Variants in FAM171A1 observed in about 807,000 individuals in gnomAD.
FAM171A1 encodes family with sequence similarity 171 member A1, also known as protein FAM171A1.
In FAM171A1, 23 loss-of-function variants were observed where a neutral mutation model predicts 74.9. The observed-to-expected ratio is 0.31, with a 90% CI of 0.22 to 0.44. The LOEUF (loss-of-function observed/expected upper bound fraction) is 0.44, where lower values mean the gene tolerates loss of function less well. Among genes scored for constraint, FAM171A1 ranks in the 20% least tolerant of loss-of-function variants. FAM171A1 has a pLI of 1.00. For synonymous variants in FAM171A1, 527 were observed against 505.7 expected (o/e 1.04, Z -0.57); for missense variants, 1,162 against 1,159.2 (o/e 1.00, Z -0.03).
rs889691576 is a variant in FAM171A1 at position 15,254,737 on chromosome 10, T to C, written c.561A>G (p.Leu187=). Residue 187 remains leucine (L), a synonymous_variant, in exon 4 of 8, where the codon TTA becomes TTG. Transcript: ENST00000378116. ...EVDSFPYLRG[L]DGNGTGNSTR... Reference sequence around the variant, plus strand: ...TCCAATTACCTGTTCCATTTCCGTCTAATCCTCGCAAATAAGGAAAACTGT... The same window carrying C: ...TCCAATTACCTGTTCCATTTCCGTCCAATCCTCGCAAATAAGGAAAACTGT... 10 of 1,614,150 alleles carry C rather than the reference T, an allele frequency of 6.2e-6. No individual in the cohort carries two copies. Among genetic ancestry groups the C allele is most frequent in the Non-Finnish European group, 8.5e-6 (10 of 1,179,978 alleles).
intron 5 of FAM171A1, among the ~76,000 whole-genome samples, chr10:15,229,977 T>C (rs113466935): frequency 0.081 from 9,441 of 116,214 alleles, 839 homozygotes; most frequent in Middle Eastern, 0.13. Context: ...GATCCCTGAA[T>C]ATGCTAGATT....
intron 3 of FAM171A1, among the ~76,000 whole-genome samples, chr10:15,260,832 G>A (rs893781160): frequency 2.0e-5 from 3 of 152,110 alleles, no homozygotes; most frequent in South Asian, 2.1e-4. Flanking sequence ...CTAGATGTCT[G>A]TAGCAGCCCC....
chr10:15,306,063 C>T (rs1393008117), intron 1 of FAM171A1, among the ~76,000 whole-genome samples: 1 of 152,204 alleles, frequency 6.6e-6, no homozygotes, highest in Non-Finnish European at 1.5e-5. Flanking sequence ...AGAGCATGAT[C>T]CATGGATAAC....
At chr10:15,369,740 A>G (rs1390776672) in intron 1 of FAM171A1, among the ~76,000 whole-genome samples, 1 of 152,170 alleles carries the variant, frequency 6.6e-6, no homozygotes, top group African/African-American at 2.4e-5. Context: ...CTCTGCTCCC[A>G]GGCACCCTGA....
At chr10:15,284,532 C>T (rs995277672) in intron 1 of FAM171A1, among the ~76,000 whole-genome samples, 10 of 152,134 alleles carry the variant, frequency 6.6e-5, no homozygotes, top group Admixed American at 6.5e-4. Context: ...AACTGATCCT[C>T]CCACCTCAGC....
intron 1 of FAM171A1, among the ~76,000 whole-genome samples, chr10:15,286,573 C>T (rs1288917815): frequency 3.9e-5 from 6 of 152,166 alleles, no homozygotes; most frequent in Non-Finnish European, 5.9e-5. Context: ...TGATCCACCG[C>T]GCCTGGCCTG....
chr10:15,239,732 C>T (rs1014600146), intron 5 of FAM171A1, among the ~76,000 whole-genome samples: 8 of 152,200 alleles, frequency 5.3e-5, no homozygotes, highest in Non-Finnish European at 1.2e-4. Flanking sequence ...AGTGCTCCTT[C>T]GCTCTACGAA....
intron 5 of FAM171A1, 73 bp downstream of exon 5, chr10:15,248,566 G>T: frequency 6.8e-7 from 1 of 1,468,984 alleles, no homozygotes; most frequent in Non-Finnish European, 9.2e-7. Flanking sequence ...ACTTCCATGA[G>T]CTTCTTAGAA....
At chr10:15,286,822 C>T (rs1444043905) in intron 1 of FAM171A1, among the ~76,000 whole-genome samples, 1 of 152,152 alleles carries the variant, frequency 6.6e-6, no homozygotes, top group East Asian at 1.9e-4. Flanking sequence ...GCTAAAGAAT[C>T]CTAGACCTAG....
chr10:15,249,046 G>T (rs1295717171), intron 4 of FAM171A1, among the ~76,000 whole-genome samples: 1 of 151,744 alleles, frequency 6.6e-6, no homozygotes, highest in Non-Finnish European at 1.5e-5. Context: ...TGGCCTAAGG[G>T]CATACACTCA....
At chr10:15,258,739 A>C (rs982455611) in intron 3 of FAM171A1, among the ~76,000 whole-genome samples, 1 of 152,060 alleles carries the variant, frequency 6.6e-6, no homozygotes, top group African/African-American at 2.4e-5. Flanking sequence ...CCTCCTGCCC[A>C]CAATCCCCTT....
At chr10:15,266,885 AAGAG>A (rs1204139062) in intron 3 of FAM171A1, among the ~76,000 whole-genome samples, 5 of 150,466 alleles carry the variant, frequency 3.3e-5, no homozygotes, top group Non-Finnish European at 7.4e-5. Flanking sequence ...AAAAAAAAAA[AAGAG>A]AGAGAGAAAA....
In FAM171A1 at chr10:15,278,052, G is replaced by A. The variant is rs374229312; in HGVS notation, c.326-2105C>T. 3.5e-3 allele frequency among the ~76,000 whole-genome samples: 534 copies of A among 152,214 alleles called. 4 individuals carry two copies. The highest frequency in any genetic ancestry group is 0.012 in the African/African-American group (503 of 41,534). ...ATTACAGGCATGAGCCACCGTGCCC[G>A]GGTAAGCAGTGCTGGCTCTTAGTGC... On this transcript the variant is annotated intron_variant, in intron 2 of 7. Coordinates refer to ENST00000378116, the MANE Select transcript of FAM171A1 (RefSeq NM_001010924.2).
At chr10:15,221,599 T>C (rs1471983032) in intron 5 of FAM171A1, among the ~76,000 whole-genome samples, 1 of 152,258 alleles carries the variant, frequency 6.6e-6, no homozygotes, top group Non-Finnish European at 1.5e-5. Flanking sequence ...GCTTCCAGTT[T>C]GTTCCAATGC....
chr10:15,241,625 A>G (rs1342225273), intron 5 of FAM171A1: 1 of 152,178 alleles, frequency 6.6e-6, no homozygotes, highest in East Asian at 1.9e-4. Flanking sequence ...GTACAGTTGA[A>G]AAACAAAAAT....
At chr10:15,263,720 AATCT>A (rs199543212) in intron 3 of FAM171A1, among the ~76,000 whole-genome samples, 1,785 of 140,444 alleles carry the variant, frequency 0.013, 16 homozygotes, top group Non-Finnish European at 0.017. Flanking sequence ...CTATCCTATC[AATCT>A]ATCTATCTAT....
Position 15,311,411 on chromosome 10 carries a change from G to A in FAM171A1, c.98-27306C>T, listed in dbSNP as rs530177661. ...TTTAGTTATTTTTGACCCACTTGCT[G>A]CAAAAATAGGGAATGGCACTGGAAG... On this transcript the variant is annotated intron_variant, in intron 1 of 7. Transcript: ENST00000378116. Among the ~76,000 whole-genome samples the A allele has an allele frequency of 5.9e-5, 9 of 152,304 alleles. No individual in the cohort carries two copies. The East Asian group carries it at 1.7e-3, about 29-fold the overall frequency.
intron 1 of FAM171A1, among the ~76,000 whole-genome samples, chr10:15,324,831 G>A (rs934302712): frequency 6.6e-6 from 1 of 152,082 alleles, no homozygotes; most frequent in African/African-American, 2.4e-5. Context: ...ACTTAGTCAC[G>A]GATTCAGTAA....
intron 1 of FAM171A1, among the ~76,000 whole-genome samples, chr10:15,328,765 C>A (rs1835589591): frequency 6.6e-6 from 1 of 152,196 alleles, no homozygotes; most frequent in South Asian, 2.1e-4. Flanking sequence ...CAGGCCCTGG[C>A]AACCATCCTT....
Sources: gnomAD v4.1 joint callset for allele counts (sites outside exome capture counted in the v4.1 genomes callset) on GRCh38, gnomAD v4.1.1 for gene constraint, MANE v1.5 for transcripts, NCBI Gene and HGNC (gene_info 2026-07-23, HGNC 2026-07-21) for gene names.